The following DSCAM variants were observed in gnomAD, a reference collection of about 807,000 sequenced individuals.
DSCAM encodes cell adhesion molecule DSCAM.
DSCAM carries 47 observed loss-of-function variants against 217.7 expected under a neutral mutation model. That is an observed-to-expected ratio of 0.22 (90% CI 0.17 to 0.28). The LOEUF is 0.28. DSCAM is among the 10% of genes least tolerant of loss of function. DSCAM has a pLI of 1.00. For synonymous variants in DSCAM, 1,056 were observed against 1,015.3 expected (o/e 1.04, Z -0.76); for missense variants, 2,080 against 2,618.3 (o/e 0.79, Z 4.49).
At chr21:40,700,940 T>C (rs533757902) in intron 2 of DSCAM, among the ~76,000 whole-genome samples, 34 of 152,210 alleles carry the variant, frequency 2.2e-4, no homozygotes, top group African/African-American at 8.2e-4. Flanking sequence ...TTTCACCATG[T>C]TGGCCGGGCT....
intron 3 of DSCAM, among the ~76,000 whole-genome samples, chr21:40,425,944 G>A (rs971989174): frequency 1.3e-5 from 2 of 151,876 alleles, no homozygotes; most frequent in African/African-American, 4.8e-5. Flanking sequence ...TCCTTTTGTA[G>A]GGGGCAGAAT....
chr21:40,326,962 T>C (rs558178980), intron 8 of DSCAM, among the ~76,000 whole-genome samples: 5 of 150,114 alleles, frequency 3.3e-5, no homozygotes, highest in Admixed American at 6.7e-5. Context: ...TTTATATATC[T>C]TTATATTTAA....
At chr21:40,476,128 A>G (rs1423934246) in intron 3 of DSCAM, among the ~76,000 whole-genome samples, 1 of 152,206 alleles carries the variant, frequency 6.6e-6, no homozygotes, top group East Asian at 1.9e-4. Context: ...CTTCACTCCC[A>G]TGCTGTACTA....
At chr21:40,801,939 G>A (rs1039911880) in intron 1 of DSCAM, among the ~76,000 whole-genome samples, 1 of 152,148 alleles carries the variant, frequency 6.6e-6, no homozygotes, top group African/African-American at 2.4e-5. Flanking sequence ...GTATGTAACT[G>A]TAGGGTCAGA....
intron 3 of DSCAM, among the ~76,000 whole-genome samples, chr21:40,509,013 T>G (rs557504063): frequency 1.3e-5 from 2 of 151,780 alleles, no homozygotes; most frequent in African/African-American, 4.8e-5. Flanking sequence ...TATTAAAAAT[T>G]TTAAATTTGG....
At chr21:40,498,760 T>G (rs2076146926) in intron 3 of DSCAM, among the ~76,000 whole-genome samples, 2 of 23,740 alleles carry the variant, frequency 8.4e-5, no homozygotes, top group African/African-American at 6.4e-4. Flanking sequence ...TATATATGGG[T>G]GTATATATAT....
intron 3 of DSCAM, among the ~76,000 whole-genome samples, chr21:40,596,577 G>A (rs1012167705): frequency 2.0e-5 from 3 of 152,182 alleles, no homozygotes; most frequent in African/African-American, 7.2e-5. Flanking sequence ...TATGCCGTAT[G>A]CTTGGCAGGT....
At chr21:40,167,522 T>C (rs1007537972) in intron 15 of DSCAM, among the ~76,000 whole-genome samples, 4 of 152,296 alleles carry the variant, frequency 2.6e-5, no homozygotes, top group African/African-American at 9.6e-5. Context: ...TGGTATTCCT[T>C]CTCACCATGT....
intron 1 of DSCAM, among the ~76,000 whole-genome samples, chr21:40,739,381 G>A (rs779719952): frequency 2.0e-5 from 3 of 152,180 alleles, no homozygotes; most frequent in Non-Finnish European, 2.9e-5. Context: ...TGCTGGGGCT[G>A]CCATAACAAA....
intron 3 of DSCAM, among the ~76,000 whole-genome samples, chr21:40,467,328 G>T (rs1043680706): frequency 6.6e-6 from 1 of 151,996 alleles, no homozygotes; most frequent in Non-Finnish European, 1.5e-5. Context: ...ACACACACAC[G>T]CACACAAAGA....
intron 1 of DSCAM, among the ~76,000 whole-genome samples, chr21:40,766,692 C>T (rs866925376): frequency 1.4e-3 from 129 of 92,478 alleles, no homozygotes; most frequent in Middle Eastern, 0.01. Flanking sequence ...AAAAAAACAA[C>T]TTTTTTTTTT....
At chr21:40,673,410 A>G (rs968588018) in intron 3 of DSCAM, among the ~76,000 whole-genome samples, 2 of 152,262 alleles carry the variant, frequency 1.3e-5, no homozygotes, top group Non-Finnish European at 2.9e-5. Context: ...GTTTGGTCCT[A>G]TGAAAACATC....
At chr21:40,603,704 G>A (rs1226973748) in intron 3 of DSCAM, among the ~76,000 whole-genome samples, 1 of 151,796 alleles carries the variant, frequency 6.6e-6, no homozygotes. Flanking sequence ...CTATCTTGGT[G>A]GGTTTTTTGT....
At chr21:40,772,397 G>A (rs1384817132) in intron 1 of DSCAM, among the ~76,000 whole-genome samples, 1 of 152,158 alleles carries the variant, frequency 6.6e-6, no homozygotes, top group Admixed American at 6.5e-5. Flanking sequence ...TCGAACTCCC[G>A]ACCTCAGGTG....
intron 1 of DSCAM, among the ~76,000 whole-genome samples, chr21:40,792,526 T>A (rs966305912): frequency 6.6e-6 from 1 of 152,090 alleles, no homozygotes; most frequent in African/African-American, 2.4e-5. Context: ...CCAAATACAG[T>A]GACATTAGGA....
intron 32 of DSCAM, among the ~76,000 whole-genome samples, chr21:40,021,186 A>C (rs1568892634): frequency 7.1e-6 from 1 of 141,260 alleles, no homozygotes. Flanking sequence ...AACCTGGGCG[A>C]TAGAGCGAGA....
chr21:40,819,550 C>T (rs1221341811), intron 1 of DSCAM, among the ~76,000 whole-genome samples: 2 of 152,138 alleles, frequency 1.3e-5, no homozygotes, highest in Non-Finnish European at 2.9e-5. Context: ...AATTACTAAT[C>T]CTCACAAATT....
chr21:40,799,675 T>G (rs2091722087), intron 1 of DSCAM, among the ~76,000 whole-genome samples: 1 of 152,242 alleles, frequency 6.6e-6, no homozygotes, highest in African/African-American at 2.4e-5. Flanking sequence ...CTTGAATTCC[T>G]TGGCTTATGA....
chr21:40,178,626 A>G (rs1391445652), intron 15 of DSCAM, among the ~76,000 whole-genome samples: 2 of 152,274 alleles, frequency 1.3e-5, no homozygotes, highest in East Asian at 1.9e-4. Flanking sequence ...CATGTGTCCA[A>G]ACAAAGGAAT....
Sources: gnomAD v4.1 joint callset for allele counts (sites outside exome capture counted in the v4.1 genomes callset) on GRCh38, gnomAD v4.1.1 for gene constraint, MANE v1.5 for transcripts, NCBI Gene and HGNC (gene_info 2026-07-23, HGNC 2026-07-21) for gene names.